RPRD1B: variants seen among roughly 807,000 people sequenced by gnomAD.
RPRD1B encodes the protein regulation of nuclear pre-mRNA domain containing 1B, also known as regulation of nuclear pre-mRNA domain-containing protein 1B.
RPRD1B carries 11 observed loss-of-function variants against 41.5 expected under a neutral mutation model. That is an observed-to-expected ratio of 0.27 (90% CI 0.17 to 0.44). The LOEUF (loss-of-function observed/expected upper bound fraction) is 0.44. Ranked by LOEUF, RPRD1B falls within the 20% of genes least tolerant of loss-of-function variation. RPRD1B has a pLI of 1.00. For synonymous variants in RPRD1B, 158 were observed against 155.6 expected, an observed-to-expected ratio of 1.02 and a Z score of -0.12; for missense variants, 248 against 389.9, an observed-to-expected ratio of 0.64 and a Z score of 3.06.
intron 6 of RPRD1B, among the ~76,000 whole-genome samples, chr20:38,076,904 AC>A (rs2074465862): frequency 1.5e-5 from 1 of 66,526 alleles, no homozygotes; most frequent in African/African-American, 6.1e-5. Flanking sequence ...CTCATTCTGG[AC>A]CTTTTTTTTT....
Position 38,090,617 on chromosome 20 carries a change from T to G in RPRD1B, c.*742T>G, listed in dbSNP as rs2074604156. ...TAGATACAACCTTCCCATGCTGCACTTCTCCACTGTCGGAGCACGTTCCGA... is the reference window on the plus strand; with the variant it reads ...TAGATACAACCTTCCCATGCTGCACGTCTCCACTGTCGGAGCACGTTCCGA... On this transcript the variant is annotated 3_prime_UTR_variant, in exon 7 of 7. Coordinates refer to ENST00000373433, the MANE Select transcript of RPRD1B (RefSeq NM_021215.4). 1 of 985,412 alleles carries G rather than the reference T, an allele frequency of 1.0e-6. No homozygotes were observed. Among genetic ancestry groups the G allele is most frequent in the Admixed American group, 6.1e-5 (1 of 16,264 alleles). 61.0% of individuals were successfully genotyped at this position (985,412 alleles called of 1,614,324 possible).
At chr20:38,035,083 T>G (rs1286450253) in intron 1 of RPRD1B, among the ~76,000 whole-genome samples, 1 of 152,184 alleles carries the variant, frequency 6.6e-6, no homozygotes, top group Non-Finnish European at 1.5e-5. Flanking sequence ...GAGACTCATC[T>G]CGTGGTGAGG....
Position 38,038,155 on chromosome 20 carries a change from G to A in RPRD1B, c.152-2280G>A, listed in dbSNP as rs184368518. Among the ~76,000 whole-genome samples, 661 of 152,218 alleles carry A rather than the reference G, an allele frequency of 4.3e-3. 2 individuals carry two copies. Among genetic ancestry groups the A allele is most frequent in the Middle Eastern group, 0.01 (3 of 294 alleles). On this transcript the variant is annotated intron_variant, in intron 1 of 6. Coordinates refer to ENST00000373433, the MANE Select transcript of RPRD1B (RefSeq NM_021215.4). Reference sequence around the variant, plus strand: ...AGGTTCCTAGTATTCTTATCAGTTGGCCATCTAAACTAGGTTATTACCAGA... The same window carrying A: ...AGGTTCCTAGTATTCTTATCAGTTGACCATCTAAACTAGGTTATTACCAGA...
chr20:38,063,005 CAG>C (rs930853721), intron 5 of RPRD1B, among the ~76,000 whole-genome samples: 10 of 152,132 alleles, frequency 6.6e-5, no homozygotes, highest in Non-Finnish European at 8.8e-5. Flanking sequence ...GGCTTTAAAG[CAG>C]AGTCTTTCAC....
chr20:38,048,509 T>A (rs1375574982), intron 3 of RPRD1B, 28 bp downstream of exon 3: 10 of 1,569,246 alleles, frequency 6.4e-6, no homozygotes, highest in Non-Finnish European at 8.7e-6. Flanking sequence ...TGTTTACAGC[T>A]CTTGGTCTTT....
rs551068156 is a variant in RPRD1B, at chr20:38,091,354, G to A, written c.*1479G>A. ...ATAACCTATGTTTATAAAGCATAAC[G>A]GGCTTCCCTTCCAGAAGCTCTCCTG... On this transcript the variant is annotated 3_prime_UTR_variant, in exon 7 of 7. Coordinates refer to ENST00000373433, the MANE Select transcript of RPRD1B (RefSeq NM_021215.4). The A allele has an allele frequency of 1.8e-5, 18 of 985,348 alleles. No homozygotes were observed. Among genetic ancestry groups the A allele is most frequent in the African/African-American group, 1.6e-4 (9 of 57,290 alleles). 61.0% of individuals were successfully genotyped at this position (985,348 alleles called of 1,614,324 possible).
intron 6 of RPRD1B, among the ~76,000 whole-genome samples, chr20:38,068,113 C>T (rs575985531): frequency 1.9e-4 from 29 of 152,286 alleles, no homozygotes; most frequent in Middle Eastern, 3.4e-3. Flanking sequence ...GTTTGCTGGA[C>T]GCCACGAGAG....
rs1269368470 is a variant in RPRD1B at position 38,091,469 on chromosome 20, A to G, written c.*1594A>G. 7.1e-6 allele frequency: 7 copies of G among 985,430 alleles called. No individual in the cohort carries two copies. The highest frequency in any genetic ancestry group is 8.4e-6 in the Non-Finnish European group (7 of 829,928). 61.0% of individuals were successfully genotyped at this position (985,430 alleles called of 1,614,324 possible). A position where few individuals can be genotyped will look rare whatever the true frequency, so the allele number is the denominator to read the frequency against. The stretch of plus-strand genomic sequence containing the variant: ...TAGTAGTGTTTGAGCTGTTATTCAG[A>G]TTTGAATTCAGACTGTGTGTTGTTT... On this transcript the variant is annotated 3_prime_UTR_variant, in exon 7 of 7. Coordinates refer to ENST00000373433, the MANE Select transcript of RPRD1B (RefSeq NM_021215.4).
Position 38,070,825 on chromosome 20 carries a change from G to A in RPRD1B, c.831+4569G>A, listed in dbSNP as rs528174839. ...GAGCAATCTGAGCTCACTGCCTCCC[G>A]GGTTCAAGCGATTCTCGTGCCTCAG... On this transcript the variant is annotated intron_variant, in intron 6 of 6. Transcript: ENST00000373433. 19 of 701,578 alleles carry A rather than the reference G, an allele frequency of 2.7e-5. No homozygotes were observed. In the Admixed American group the frequency reaches 5.2e-4, roughly 19 times the overall value. The allele number at this position is 701,578 out of a possible 1,614,324, so 43.5% of individuals were successfully genotyped here.
chr20:38,067,532 T>TTCAGCATGGTCA (rs1486101465), intron 6 of RPRD1B, among the ~76,000 whole-genome samples: 3 of 152,222 alleles, frequency 2.0e-5, no homozygotes, highest in African/African-American at 7.2e-5. Context: ...GTATTTGCCT[T>TTCAGCATGGTCA]TCAGCATGGT....
chr20:38,034,779 G>C (rs1019467579), intron 1 of RPRD1B, among the ~76,000 whole-genome samples: 1 of 152,094 alleles, frequency 6.6e-6, no homozygotes, highest in Non-Finnish European at 1.5e-5. Context: ...CCCTGCTCAG[G>C]TTCTGACAGA....
At chr20:38,056,358 T>G (rs1420088199) in intron 3 of RPRD1B, among the ~76,000 whole-genome samples, 1 of 151,660 alleles carries the variant, frequency 6.6e-6, no homozygotes, top group African/African-American at 2.4e-5. Flanking sequence ...GTCACTGCAC[T>G]CCAGCCTGGG....
intron 1 of RPRD1B, 87 bp from the exon 2 acceptor site, chr20:38,040,348 T>G: frequency 8.9e-7 from 1 of 1,128,034 alleles, no homozygotes; most frequent in East Asian, 2.7e-5. Flanking sequence ...TGTCTTAATG[T>G]TTTTTTAGGA....
chr20:38,069,176 A>G (rs1193093459), intron 6 of RPRD1B, among the ~76,000 whole-genome samples: 1 of 152,018 alleles, frequency 6.6e-6, no homozygotes, highest in Non-Finnish European at 1.5e-5. Context: ...TGGGAATTTT[A>G]TGTCGGTGGC....
intron 5 of RPRD1B, 77 bp from the exon 6 acceptor site, chr20:38,066,004 C>T: frequency 7.1e-7 from 1 of 1,416,896 alleles, no homozygotes; most frequent in Non-Finnish European, 9.8e-7. Context: ...AAACCGTTAA[C>T]CTCCCCCAGA....
Position 38,048,390 on chromosome 20 carries a change from G to C in RPRD1B, c.324G>C (p.Leu108=), listed in dbSNP as rs758388459. 22 of 1,613,744 alleles carry C rather than the reference G, an allele frequency of 1.4e-5. No homozygotes were observed. The highest frequency in any genetic ancestry group is 1.7e-5 in the Non-Finnish European group (20 of 1,179,830). ...EGCKKPLERL[L]NIWQERSVYG... ...GTAAAAAACCTTTAGAAAGATTGCT[G>C]AACATCTGGCAAGAACGAAGTGTGT... Residue 108 remains leucine, a synonymous_variant, in exon 3 of 7, where the codon CTG becomes CTC. Transcript: ENST00000373433.
Position 38,091,499 on chromosome 20 carries a change from A to G in RPRD1B, c.*1624A>G. ...AATTCAGACTGTGTGTTGTTTGCTT[A>G]TGGACACTGCCTGTCGTTCTGTCAC... On this transcript the variant is annotated 3_prime_UTR_variant, in exon 7 of 7. Transcript: ENST00000373433. 1.0e-5 allele frequency: 10 copies of G among 985,434 alleles called. No individual in the cohort carries two copies. The highest frequency in any genetic ancestry group is 1.1e-5 in the Non-Finnish European group (9 of 829,948). 61.0% of individuals were successfully genotyped at this position (985,434 alleles called of 1,614,324 possible). A position where few individuals can be genotyped will look rare whatever the true frequency, so the allele number is the denominator to read the frequency against.
At position 38,055,912 on chromosome 20, in the gene RPRD1B, A is replaced by G. The variant is rs561613831; in HGVS notation, c.416-1620A>G. 1.0e-3 allele frequency among the ~76,000 whole-genome samples: 155 copies of G among 152,334 alleles called. 2 individuals carry two copies. The highest frequency in any genetic ancestry group is 3.7e-3 in the African/African-American group (152 of 41,576). On this transcript the variant is annotated intron_variant, in intron 3 of 6. Coordinates refer to ENST00000373433, the MANE Select transcript of RPRD1B (RefSeq NM_021215.4). Reference sequence around the variant, plus strand: ...TAGCAGCAAAATTTGTACTTTATGCAACTACTCAAGAGTTAATATGCCATG... The same window carrying G: ...TAGCAGCAAAATTTGTACTTTATGCGACTACTCAAGAGTTAATATGCCATG...
chr20:38,066,300 C>A (rs2074355176), intron 6 of RPRD1B, 44 bp downstream of exon 6: 1 of 1,566,950 alleles, frequency 6.4e-7, no homozygotes, highest in African/African-American at 1.4e-5. Context: ...CGTTTCCCTT[C>A]CTGTAGCCCA....
Sources: gnomAD v4.1 joint callset for allele counts (sites outside exome capture counted in the v4.1 genomes callset) on GRCh38, gnomAD v4.1.1 for gene constraint, MANE v1.5 for transcripts, NCBI Gene and HGNC (gene_info 2026-07-23, HGNC 2026-07-21) for gene names.